LIFR: variants seen among roughly 807,000 people sequenced by gnomAD.
The protein encoded by LIFR is leukemia inhibitory factor receptor.
Under a neutral mutation model 122.2 loss-of-function variants are expected in LIFR, and 84 were observed. The observed-to-expected ratio is 0.69, with a 90% CI of 0.58 to 0.82. LIFR has a LOEUF of 0.82. LIFR is among the 40% of genes least tolerant of loss of function. The pLI, the probability that LIFR is intolerant of heterozygous loss-of-function variation, is 0.00. For synonymous variants in LIFR, 422 were observed against 434.7 expected (o/e 0.97, Z 0.36); for missense variants, 1,294 against 1,311.6 (o/e 0.99, Z 0.21).
intron 11 of LIFR, among the ~76,000 whole-genome samples, chr5:38,500,279 T>C (rs1175742446): frequency 6.6e-6 from 1 of 152,236 alleles, no homozygotes; most frequent in African/African-American, 2.4e-5. Flanking sequence ...TGCTGCTATA[T>C]CACTGCTAAC....
chr5:38,525,123 T>C (rs1286413390), intron 4 of LIFR, among the ~76,000 whole-genome samples: 1 of 152,184 alleles, frequency 6.6e-6, no homozygotes, highest in East Asian at 1.9e-4. Context: ...GGAAGAGTAA[T>C]GTATCCTTGA....
intron 1 of LIFR, among the ~76,000 whole-genome samples, chr5:38,580,811 T>C (rs1039163516): frequency 3.3e-5 from 5 of 152,168 alleles, no homozygotes; most frequent in African/African-American, 1.2e-4. Flanking sequence ...ACCCCTAAGC[T>C]TCACCTCATG....
At chr5:38,512,740 T>C (rs1027712174) in intron 5 of LIFR, among the ~76,000 whole-genome samples, 3 of 152,146 alleles carry the variant, frequency 2.0e-5, no homozygotes, top group Non-Finnish European at 4.4e-5. Context: ...CAAAAAGTTT[T>C]GAATTTTAAA....
chr5:38,499,567 AG>A lies in LIFR; in HGVS notation c.1616del (p.Pro539LeufsTer14). ...CAGAACTCCACTCTCTCCAAGTATCAGGCCCCTTTGAAGGACCTAAAAAGGA... is the reference window on the plus strand; with the variant it reads ...CAGAACTCCACTCTCTCCAAGTATCAGCCCCTTTGAAGGACCTAAAAAGGA... ...LTTEASPSKG[P>X]DTWREWSSDG... On this transcript the variant is annotated frameshift_variant, in exon 12 of 20. Coordinates refer to ENST00000453190, the MANE Select transcript of LIFR (RefSeq NM_001127671.2). LOFTEE classifies it high-confidence loss of function. The A allele has an allele frequency of 6.2e-7, 1 of 1,607,530 alleles. No homozygotes were observed. Among genetic ancestry groups the A allele is most frequent in the South Asian group, 1.1e-5 (1 of 90,914 alleles).
At chr5:38,515,882 T>C (rs1746051473) in intron 5 of LIFR, among the ~76,000 whole-genome samples, 1 of 152,046 alleles carries the variant, frequency 6.6e-6, no homozygotes, top group South Asian at 2.1e-4. Context: ...GCCTCACAAA[T>C]GAAACATGAA....
intron 2 of LIFR, among the ~76,000 whole-genome samples, chr5:38,605,569 A>G (rs1750311301): frequency 2.0e-5 from 3 of 152,188 alleles, no homozygotes; most frequent in Admixed American, 2.0e-4. Context: ...TCACAAAGCC[A>G]AAGGGAAAAG....
intron 1 of LIFR, among the ~76,000 whole-genome samples, chr5:38,536,044 T>C (rs956641611): frequency 1.3e-5 from 2 of 152,326 alleles, no homozygotes; most frequent in African/African-American, 4.8e-5. Context: ...TTGTGTGACA[T>C]CGTATCTTTA....
chr5:38,527,638 C>G (rs528448194), intron 3 of LIFR, among the ~76,000 whole-genome samples: 1 of 152,252 alleles, frequency 6.6e-6, no homozygotes, highest in Non-Finnish European at 1.5e-5. Flanking sequence ...CAGTGCATCA[C>G]AGCGCTCCTC....
intron 1 of LIFR, among the ~76,000 whole-genome samples, chr5:38,569,861 C>G (rs1244809391): frequency 1.3e-5 from 2 of 152,132 alleles, no homozygotes; most frequent in East Asian, 3.8e-4. Context: ...TTCATTCTGC[C>G]TAGAGTATGT....
chr5:38,479,801 T>C lies in LIFR; in HGVS notation c.*1794A>G, dbSNP rs1443082021. Reference sequence around the variant, plus strand: ...CAAAGGAAGACAAGAGAACACTCTTTAGGGATGGCTCTGATTGGATATATT... The same window carrying C: ...CAAAGGAAGACAAGAGAACACTCTTCAGGGATGGCTCTGATTGGATATATT... On this transcript the variant is annotated 3_prime_UTR_variant, in exon 20 of 20. Coordinates refer to ENST00000453190, the MANE Select transcript of LIFR (RefSeq NM_001127671.2). 3 of 230,446 alleles carry C rather than the reference T, an allele frequency of 1.3e-5. No individual in the cohort carries two copies. Among genetic ancestry groups the C allele is most frequent in the Admixed American group, 5.7e-5 (1 of 17,656 alleles). The allele number at this position is 230,446 out of a possible 1,614,324, so 14.3% of individuals were successfully genotyped here.
intron 5 of LIFR, among the ~76,000 whole-genome samples, chr5:38,512,312 CTCTAATCTAAAAA>C (rs1436975288): frequency 6.6e-6 from 1 of 151,954 alleles, no homozygotes; most frequent in African/African-American, 2.4e-5. Context: ...AGATGAGCAT[CTCTAATCTAAAAA>C]TCTAAAATCT....
chr5:38,524,535 C>T (rs547736227), intron 4 of LIFR, among the ~76,000 whole-genome samples: 5 of 152,228 alleles, frequency 3.3e-5, no homozygotes, highest in South Asian at 2.1e-4. Flanking sequence ...AAGAAATAAA[C>T]GGTTGGTTCT....
At chr5:38,516,512 A>G (rs1025897022) in intron 5 of LIFR, among the ~76,000 whole-genome samples, 6 of 152,222 alleles carry the variant, frequency 3.9e-5, no homozygotes, top group African/African-American at 1.4e-4. Context: ...ATGAGATACC[A>G]TCTCATGCCA....
At chr5:38,538,369 GAT>G (rs1747401286) in intron 1 of LIFR, among the ~76,000 whole-genome samples, 1 of 152,146 alleles carries the variant, frequency 6.6e-6, no homozygotes, top group Non-Finnish European at 1.5e-5. Context: ...CCCAGTTACA[GAT>G]TAACCATTCA....
At chr5:38,551,348 G>A (rs1189012762) in intron 1 of LIFR, among the ~76,000 whole-genome samples, 3 of 152,146 alleles carry the variant, frequency 2.0e-5, no homozygotes, top group Non-Finnish European at 4.4e-5. Context: ...TCCTGGTGGC[G>A]ATTCTCATCT....
chr5:38,591,077 T>G (rs1749907999), intron 1 of LIFR, among the ~76,000 whole-genome samples: 1 of 152,244 alleles, frequency 6.6e-6, no homozygotes, highest in African/African-American at 2.4e-5. Context: ...TGTAATAGTA[T>G]CTGTCCAGAA....
rs1746668787 is a variant in LIFR, at chr5:38,526,197, C to A, written c.397+958G>T. 2.0e-5 allele frequency among the ~76,000 whole-genome samples: 3 copies of A among 152,174 alleles called. No individual in the cohort carries two copies. In the South Asian group the frequency reaches 6.2e-4, roughly 32 times the overall value. ...GATAGGGAAGAAATTTAATGAAAATCTTTTTTATTTTCTTCTAATGCTAAT... is the reference window on the plus strand; with the variant it reads ...GATAGGGAAGAAATTTAATGAAAATATTTTTTATTTTCTTCTAATGCTAAT... On this transcript the variant is annotated intron_variant, in intron 4 of 19. Coordinates refer to ENST00000453190, the MANE Select transcript of LIFR (RefSeq NM_001127671.2).
At chr5:38,507,807 T>G (rs1745575732) in intron 7 of LIFR, among the ~76,000 whole-genome samples, 1 of 152,072 alleles carries the variant, frequency 6.6e-6, no homozygotes, top group Non-Finnish European at 1.5e-5. Flanking sequence ...TACTCCTTAG[T>G]TTATCAACCA....
At chr5:38,488,359 A>T in intron 16 of LIFR, among the ~76,000 whole-genome samples, 1 of 152,214 alleles carries the variant, frequency 6.6e-6, no homozygotes, top group East Asian at 1.9e-4. Flanking sequence ...CAGGCATTAA[A>T]TAATTAAAAT....
Sources: gnomAD v4.1 joint callset for allele counts (sites outside exome capture counted in the v4.1 genomes callset) on GRCh38, gnomAD v4.1.1 for gene constraint, MANE v1.5 for transcripts, NCBI Gene and HGNC (gene_info 2026-07-23, HGNC 2026-07-21) for gene names.